RMDN2: variants seen among roughly 807,000 people sequenced by gnomAD.
RMDN2 encodes regulator of microtubule dynamics 2.
RMDN2 carries 61 observed loss-of-function variants against 52.8 expected under a neutral mutation model. The observed-to-expected ratio is 1.16, with a 90% CI of 0.94 to 1.43. The LOEUF is 1.43. RMDN2 is among the 40% of genes most tolerant of loss of function. The pLI, the probability that RMDN2 is intolerant of heterozygous loss-of-function variation, is 0.00. For missense variants in RMDN2, 592 were observed against 475.3 expected (o/e 1.25, Z -2.28); for synonymous variants, 180 against 153.1 (o/e 1.18, Z -1.30).
chr2:37,993,892 G>A (rs74904168), intron 7 of RMDN2, among the ~76,000 whole-genome samples: 2,434 of 152,254 alleles, frequency 0.016, 56 homozygotes, highest in African/African-American at 0.055. Context: ...AGATTTAAAA[G>A]CCGTTTACCC....
chr2:37,929,483 A>G lies in RMDN2; in HGVS notation c.206A>G (p.Gln69Arg). The stretch of plus-strand genomic sequence containing the variant: ...GACCAAGGAACAACAGTAATCTTTC[A>G]AGAAAGGCAACTTCAGATACTGGAG... Reference protein sequence around the residue: ...HDDQGTTVIFQERQLQILEKL... With the variant: ...HDDQGTTVIFRERQLQILEKL... Residue 69 changes from glutamine (Q) to arginine (R), a missense_variant, in exon 2 of 11, where the codon CAA becomes CGA. Transcript: ENST00000354545. 2 of 1,551,708 alleles carry G rather than the reference A, an allele frequency of 1.3e-6. No homozygotes were observed. The highest frequency in any genetic ancestry group is 1.7e-6 in the Non-Finnish European group (2 of 1,146,890).
chr2:38,052,198 G>C (rs1558590239), intron 10 of RMDN2, among the ~76,000 whole-genome samples: 1 of 152,006 alleles, frequency 6.6e-6, no homozygotes. Context: ...TGGTCTTTTT[G>C]ATAATAGACA....
intron 10 of RMDN2, among the ~76,000 whole-genome samples, chr2:38,009,872 C>T (rs567102985): frequency 3.3e-5 from 5 of 152,150 alleles, no homozygotes; most frequent in Non-Finnish European, 5.9e-5. Flanking sequence ...ATGATGGTGA[C>T]GTACAGATGG....
chr2:37,971,837 C>A (rs1671850828), intron 2 of RMDN2, among the ~76,000 whole-genome samples: 1 of 152,102 alleles, frequency 6.6e-6, no homozygotes, highest in Admixed American at 6.5e-5. Context: ...GGGCTCTTTG[C>A]TTTTTCATAT....
chr2:38,035,461 CAAGT>C (rs1680508922), intron 10 of RMDN2, among the ~76,000 whole-genome samples: 1 of 151,916 alleles, frequency 6.6e-6, no homozygotes, highest in Non-Finnish European at 1.5e-5. Context: ...GAAAATCAAA[CAAGT>C]AAGAGTAGTT....
intron 5 of RMDN2, among the ~76,000 whole-genome samples, chr2:37,984,129 A>T (rs1673678936): frequency 6.6e-6 from 1 of 152,230 alleles, no homozygotes; most frequent in South Asian, 2.1e-4. Flanking sequence ...AATGATTGAA[A>T]AATACAGATC....
rs1199130957 is a variant in RMDN2, at chr2:37,974,164, G to C, written c.577G>C (p.Glu193Gln). 1.9e-6 allele frequency: 3 copies of C among 1,613,440 alleles called. No homozygotes were observed. The highest frequency in any genetic ancestry group is 2.5e-6 in the Non-Finnish European group (3 of 1,179,694). The stretch of plus-strand genomic sequence containing the variant: ...GAAGGTAGATCATTTACGTATGAGT[G>C]AGTCTGGCAAGTCGGAGAGTTTTGA... ...LQKVDHLRMS[E>Q]SGKSESFELL... Residue 193 changes from glutamate (E) to glutamine (Q), a missense_variant, in exon 3 of 11, where the codon GAG becomes CAG. Transcript: ENST00000354545.
chr2:38,046,306 C>T (rs1681268816), intron 10 of RMDN2, among the ~76,000 whole-genome samples: 1 of 152,154 alleles, frequency 6.6e-6, no homozygotes, highest in Non-Finnish European at 1.5e-5. Flanking sequence ...TAATCTCTAA[C>T]CCATCATCAG....
intron 10 of RMDN2, chr2:38,036,926 C>T (rs1680622654): frequency 6.6e-6 from 1 of 152,218 alleles, no homozygotes; most frequent in Non-Finnish European, 1.5e-5. Flanking sequence ...CTCAGGTATC[C>T]TGGTGGCTTT....
At chr2:38,044,984 T>C (rs948300831) in intron 10 of RMDN2, among the ~76,000 whole-genome samples, 3 of 151,458 alleles carry the variant, frequency 2.0e-5, no homozygotes, top group Admixed American at 6.6e-5. Context: ...GCCCCATGCA[T>C]TCAAGCTCTT....
At chr2:38,015,267 T>C (rs1678593485) in intron 10 of RMDN2, among the ~76,000 whole-genome samples, 1 of 152,086 alleles carries the variant, frequency 6.6e-6, no homozygotes, top group South Asian at 2.1e-4. Flanking sequence ...AGTACAACGA[T>C]AGGAATTGTT....
chr2:38,017,516 T>A lies in RMDN2; in HGVS notation c.*277T>A. On this transcript the variant is annotated 3_prime_UTR_variant, in exon 11 of 11. Transcript: ENST00000354545. The stretch of plus-strand genomic sequence containing the variant: ...AACTGCAGCCTTAAGAATATTTCTT[T>A]AAATAAAATATTTAAATCCAATAAA... The A allele has an allele frequency of 9.0e-7, 1 of 1,109,370 alleles. No homozygotes were observed. The highest frequency in any genetic ancestry group is 1.2e-6 in the Non-Finnish European group (1 of 837,228). The allele number at this position is 1,109,370 out of a possible 1,614,324, so 68.7% of individuals were successfully genotyped here. A position where few individuals can be genotyped will look rare whatever the true frequency, so the allele number is the denominator to read the frequency against.
chr2:37,940,084 C>A (rs1459160257), intron 2 of RMDN2, among the ~76,000 whole-genome samples: 1 of 152,178 alleles, frequency 6.6e-6, no homozygotes, highest in Non-Finnish European at 1.5e-5. Flanking sequence ...CTGGTGGTGA[C>A]AAAATCCCTC....
intron 10 of RMDN2, among the ~76,000 whole-genome samples, chr2:38,014,755 A>G (rs1678507893): frequency 6.6e-6 from 1 of 152,310 alleles, no homozygotes; most frequent in Admixed American, 6.5e-5. Flanking sequence ...TTATTCAGTT[A>G]TTTTACAATT....
Position 37,989,558 on chromosome 2 carries a change from G to A in RMDN2, c.809G>A (p.Gly270Asp). Residue 270 changes from glycine (G) to aspartate (D), a missense_variant, in exon 6 of 11, where the codon GGC (glycine) becomes GAC (aspartate). Transcript: ENST00000354545. ...CTTTTCAGGTATGCAGTTTTGTGTG[G>A]CTATGTATCTGAGTTTGAGGGTTTA... is the stretch of plus-strand genomic sequence containing the variant. ...HCHLWYAVLC[G>D]YVSEFEGLQN... The A allele has an allele frequency of 1.9e-6, 3 of 1,611,450 alleles. No homozygotes were observed. Among genetic ancestry groups the A allele is most frequent in the Non-Finnish European group, 2.5e-6 (3 of 1,178,934 alleles).
chr2:37,947,266 G>T (rs1340094055), intron 2 of RMDN2, among the ~76,000 whole-genome samples: 1 of 151,952 alleles, frequency 6.6e-6, no homozygotes, highest in East Asian at 1.9e-4. Flanking sequence ...ACATTATTTA[G>T]TTCCTACTTA....
At chr2:38,019,146 T>A (rs1404815926), downstream of RMDN2, among the ~76,000 whole-genome samples, 1 of 152,182 alleles carries the variant, frequency 6.6e-6, no homozygotes, top group Non-Finnish European at 1.5e-5. Context: ...TCTAAACAGC[T>A]AAAGGAATGT....
downstream of RMDN2, among the ~76,000 whole-genome samples, chr2:38,019,956 A>T (rs1679216829): frequency 6.6e-6 from 1 of 152,156 alleles, no homozygotes; most frequent in African/African-American, 2.4e-5. Context: ...TTTTAATTTA[A>T]AAATAATTTT....
At chr2:38,004,965 T>G (rs1180271933) in intron 10 of RMDN2, among the ~76,000 whole-genome samples, 2 of 152,086 alleles carry the variant, frequency 1.3e-5, no homozygotes, top group African/African-American at 4.8e-5. Context: ...TTTTTGTCCT[T>G]GCGATAGTTT....
Sources: gnomAD v4.1 joint callset for allele counts (sites outside exome capture counted in the v4.1 genomes callset) on GRCh38, gnomAD v4.1.1 for gene constraint, MANE v1.5 for transcripts, NCBI Gene and HGNC (gene_info 2026-07-23, HGNC 2026-07-21) for gene names.